MSI2: variants seen among roughly 807,000 people sequenced by gnomAD.
MSI2 encodes the protein RNA-binding protein Musashi homolog 2.
A neutral mutation model predicts 45.6 loss-of-function variants in MSI2; 17 were observed. The observed-to-expected ratio is 0.37, with a 90% confidence interval of 0.26 to 0.56. The LOEUF is 0.56. Ranked by LOEUF, MSI2 falls within the 20% of genes least tolerant of loss-of-function variation. MSI2 has a pLI of 0.77. For missense variants in MSI2, 293 were observed against 444.2 expected (o/e 0.66, Z 3.06); for synonymous variants, 156 against 158.2 (o/e 0.99, Z 0.11).
intron 7 of MSI2, among the ~76,000 whole-genome samples, chr17:57,558,242 A>G (rs766844108): frequency 6.6e-6 from 1 of 152,190 alleles, no homozygotes; most frequent in Non-Finnish European, 1.5e-5. Flanking sequence ...TGCCATTTCT[A>G]GTCACCACGC....
intron 10 of MSI2, chr17:57,631,168 TTC>T (rs1297640150): frequency 1.4e-4 from 21 of 152,496 alleles, no homozygotes; most frequent in African/African-American, 4.8e-4. Context: ...CCCAGCCCCT[TTC>T]TGAGTCCCCC....
intron 6 of MSI2, among the ~76,000 whole-genome samples, chr17:57,494,948 C>A (rs1348693400): frequency 6.6e-6 from 1 of 151,932 alleles, no homozygotes; most frequent in Admixed American, 6.6e-5. Flanking sequence ...TTACATTGCA[C>A]AATTAGAAAA....
At chr17:57,393,070 A>G (rs922392128) in intron 5 of MSI2, among the ~76,000 whole-genome samples, 1 of 152,136 alleles carries the variant, frequency 6.6e-6, no homozygotes, top group Non-Finnish European at 1.5e-5. Context: ...GCTCTATGCA[A>G]CTACTAATTT....
chr17:57,331,959 A>G (rs1290989903), intron 5 of MSI2, among the ~76,000 whole-genome samples: 1 of 152,210 alleles, frequency 6.6e-6, no homozygotes, highest in East Asian at 1.9e-4. Context: ...GATGACATTC[A>G]TTCACCACCT....
rs376698406 is a variant in MSI2 at position 57,627,186 on chromosome 17, C to T, written c.653-43C>T. 135 of 1,565,398 alleles carry T rather than the reference C, an allele frequency of 8.6e-5. 1 individual carries two copies. Among genetic ancestry groups the T allele is most frequent in the South Asian group, 3.6e-4 (32 of 90,060 alleles). ...GTGAGATTTTACCCCAGACCTGAGG[C>T]GGCTGTACTAACAGGACTCTGATCT... On this transcript the variant is annotated intron_variant, in intron 9 of 13. Transcript: ENST00000284073. This position sits in a 1 kb window ranked among gnomAD's most constrained non-coding sequence, Gnocchi z 4.6.
chr17:57,441,862 G>C (rs1322542454), intron 6 of MSI2, among the ~76,000 whole-genome samples: 1 of 152,080 alleles, frequency 6.6e-6, no homozygotes, highest in East Asian at 1.9e-4. Flanking sequence ...ATGCCTGCAG[G>C]GGTTTCTTTC....
intron 10 of MSI2, chr17:57,630,217 T>C (rs537551117): frequency 1.5e-4 from 22 of 151,662 alleles, no homozygotes; most frequent in African/African-American, 5.1e-4. Context: ...GGAAGGAGGA[T>C]AGAGTGGGGT....
intron 6 of MSI2, among the ~76,000 whole-genome samples, chr17:57,463,990 CGTGTGT>C (rs58522672): frequency 0.053 from 7,736 of 146,338 alleles, 256 homozygotes; most frequent in African/African-American, 0.075. Context: ...GTTTAATGAA[CGTGTGT>C]GTGTGTGTGT....
chr17:57,520,821 A>AT (rs10602873), intron 6 of MSI2, among the ~76,000 whole-genome samples: 27,058 of 150,020 alleles, frequency 0.18, 2,785 homozygotes, highest in African/African-American at 0.28. Context: ...ACCCAACTAA[A>AT]TTTTTTTTTT....
chr17:57,373,206 C>T lies in MSI2; in HGVS notation c.313-28173C>T, dbSNP rs559245775. On this transcript the variant is annotated intron_variant, in intron 5 of 13. Transcript: ENST00000284073. ...CGGAGGTTGCAGTGAGCTGAGATTG[C>T]GCCACTGCACTCCAGCCTGTCAAAA... is the stretch of plus-strand genomic sequence containing the variant. 5.5e-5 allele frequency among the ~76,000 whole-genome samples: 8 copies of T among 146,224 alleles called. No homozygotes were observed. The East Asian group carries it at 8.1e-4, about 15-fold the overall frequency.
intron 8 of MSI2, among the ~76,000 whole-genome samples, chr17:57,598,756 G>A (rs185262116): frequency 7.2e-5 from 11 of 152,116 alleles, no homozygotes; most frequent in African/African-American, 1.2e-4. Flanking sequence ...TCCGCCTCCC[G>A]GGCTCAAGCA....
chr17:57,563,916 A>G (rs1269618061), intron 7 of MSI2, among the ~76,000 whole-genome samples: 3 of 152,034 alleles, frequency 2.0e-5, no homozygotes, highest in African/African-American at 2.4e-5. Flanking sequence ...GGAAGATCCC[A>G]TTGTCTGGCC....
In MSI2 at chr17:57,338,415, C is replaced by T. The variant is rs149247467; in HGVS notation, c.313-62964C>T. 3.1e-3 allele frequency among the ~76,000 whole-genome samples: 473 copies of T among 152,346 alleles called. 2 individuals carry two copies. The highest frequency in any genetic ancestry group is 0.011 in the African/African-American group (451 of 41,586). Reference sequence around the variant, plus strand: ...GTTTTATTTTATTTTTTGAGACAGTCTTGCTCTGTCGCCCAAGGCTGGCGT... The same window carrying T: ...GTTTTATTTTATTTTTTGAGACAGTTTTGCTCTGTCGCCCAAGGCTGGCGT... On this transcript the variant is annotated intron_variant, in intron 5 of 13. Coordinates refer to ENST00000284073, the MANE Select transcript of MSI2 (RefSeq NM_138962.4).
intron 10 of MSI2, among the ~76,000 whole-genome samples, chr17:57,640,720 T>C (rs1232419191): frequency 6.6e-6 from 1 of 152,242 alleles, no homozygotes; most frequent in Non-Finnish European, 1.5e-5. Context: ...CTATTTTCTT[T>C]AACCTCTCTG....
chr17:57,499,416 AT>A (rs2086052056), intron 6 of MSI2, among the ~76,000 whole-genome samples: 1 of 150,308 alleles, frequency 6.7e-6, no homozygotes, highest in Non-Finnish European at 1.5e-5. Context: ...GCAATTCTGT[AT>A]GCATTCTTCT....
At chr17:57,321,860 G>C (rs753565882) in intron 5 of MSI2, among the ~76,000 whole-genome samples, 4 of 151,868 alleles carry the variant, frequency 2.6e-5, no homozygotes, top group African/African-American at 9.7e-5. Context: ...GCCGTGGCGC[G>C]ATCTTGGCTC....
At chr17:57,572,289 C>A (rs1032338789) in intron 7 of MSI2, among the ~76,000 whole-genome samples, 1 of 152,200 alleles carries the variant, frequency 6.6e-6, no homozygotes, top group East Asian at 1.9e-4. Context: ...TCACCCTGTT[C>A]CAGAAATTTT....
At position 57,312,080 on chromosome 17, in the gene MSI2, G is replaced by A. The variant is rs998468579; in HGVS notation, c.312+49888G>A. On this transcript the variant is annotated intron_variant, in intron 5 of 13. Coordinates refer to ENST00000284073, the MANE Select transcript of MSI2 (RefSeq NM_138962.4). ...GAAGGGTGATCACTGTGTTCAGGTC[G>A]GAGACAGAGCACAGTCCCAGCAGCC... Among the ~76,000 whole-genome samples, 10 of 152,290 alleles carry A rather than the reference G, an allele frequency of 6.6e-5. No individual in the cohort carries two copies. The South Asian group carries it at 2.1e-3, about 32-fold the overall frequency.
At chr17:57,656,740 A>G (rs187794630) in intron 11 of MSI2, among the ~76,000 whole-genome samples, 1 of 152,326 alleles carries the variant, frequency 6.6e-6, no homozygotes, top group Admixed American at 6.5e-5. Flanking sequence ...AACATCCAAG[A>G]GGAACCACCC....
Sources: gnomAD v4.1 joint callset for allele counts (sites outside exome capture counted in the v4.1 genomes callset) on GRCh38, gnomAD v4.1.1 for gene constraint, Gnocchi (gnomAD v3.1) non-coding constraint, MANE v1.5 for transcripts, NCBI Gene and HGNC (gene_info 2026-07-23, HGNC 2026-07-21) for gene names.